MTCL2: variants seen among roughly 807,000 people sequenced by gnomAD.
MTCL2 encodes the protein microtubule cross-linking factor 2.
At chr20:36,848,134 G>C in the MTCL2 span, among the ~76,000 whole-genome samples, 1 of 152,232 alleles carries the variant, frequency 6.6e-6, no homozygotes, top group South Asian at 2.1e-4. Context: ...AGGTGACAGA[G>C]TGAGACCCCT....
chr20:36,849,536 G>T, the MTCL2 span, among the ~76,000 whole-genome samples: 1 of 151,644 alleles, frequency 6.6e-6, no homozygotes, highest in Non-Finnish European at 1.5e-5. Flanking sequence ...TTGGACTAAA[G>T]TCATCCTCCC....
At chr20:36,817,555 GC>G in the MTCL2 span, 1 of 1,371,374 alleles carries the variant, frequency 7.3e-7, no homozygotes, top group East Asian at 2.5e-5. Context: ...CTGTCACAGT[GC>G]CCAGGGTCCA....
At chr20:36,817,858 G>T in the MTCL2 span, among the ~76,000 whole-genome samples, 4 of 152,256 alleles carry the variant, frequency 2.6e-5, no homozygotes, top group African/African-American at 9.6e-5. Flanking sequence ...GAACACAGCA[G>T]TGAACCAGGG....
At chr20:36,851,432 C>A in the MTCL2 span, among the ~76,000 whole-genome samples, 2 of 152,236 alleles carry the variant, frequency 1.3e-5, no homozygotes, top group African/African-American at 4.8e-5. Flanking sequence ...TCTCCATCTT[C>A]ATCTCCCTCG....
At chr20:36,828,899 T>A in the MTCL2 span, 5 of 762,848 alleles carry the variant, frequency 6.6e-6, no homozygotes, top group South Asian at 1.9e-5. Context: ...GCTCAGGAAA[T>A]GCATGTTGGA....
the MTCL2 span, chr20:36,805,746 A>C: frequency 3.0e-6 from 3 of 1,012,078 alleles, no homozygotes; most frequent in South Asian, 5.2e-5. Flanking sequence ...AATAACTTGC[A>C]ACTTCAATGT....
chr20:36,852,431 C>T, the MTCL2 span, among the ~76,000 whole-genome samples: 7 of 152,228 alleles, frequency 4.6e-5, no homozygotes, highest in South Asian at 2.1e-4. Context: ...TCCCTTCTGC[C>T]GGTCCCCCAG....
At chr20:36,837,404 G>A in the MTCL2 span, among the ~76,000 whole-genome samples, 1 of 150,594 alleles carries the variant, frequency 6.6e-6, no homozygotes, top group Non-Finnish European at 1.5e-5. Flanking sequence ...GGAGGCTCAT[G>A]AGCCTGGGCT....
At chr20:36,844,394 A>T in the MTCL2 span, among the ~76,000 whole-genome samples, 1 of 145,308 alleles carries the variant, frequency 6.9e-6, no homozygotes, top group African/African-American at 2.7e-5. Flanking sequence ...CATCTCTACA[A>T]AAAAAAAATA....
chr20:36,793,953 T>C, the MTCL2 span: 17 of 1,551,446 alleles, frequency 1.1e-5, no homozygotes, highest in Non-Finnish European at 1.5e-5. The surrounding 1 kb of genome is among the most constrained non-coding windows in gnomAD (Gnocchi z 6.8). Flanking sequence ...GTGCCCACAC[T>C]GGCCAGGCCC....
the MTCL2 span, among the ~76,000 whole-genome samples, chr20:36,787,607 G>A: frequency 1.3e-4 from 20 of 152,088 alleles, no homozygotes; most frequent in South Asian, 2.1e-4. Context: ...AAGTGCTGCT[G>A]CCAGGCACGG....
chr20:36,863,059 G>C, the MTCL2 span: 1 of 1,407,440 alleles, frequency 7.1e-7, no homozygotes, highest in Non-Finnish European at 9.3e-7. The surrounding 1 kb of genome is among the most constrained non-coding windows in gnomAD (Gnocchi z 6.2). Flanking sequence ...CCCTTGGCAC[G>C]GACCCCGGTG....
At chr20:36,794,089 G>A in the MTCL2 span, 2 of 1,551,460 alleles carry the variant, frequency 1.3e-6, no homozygotes, top group Non-Finnish European at 8.7e-7. The surrounding 1 kb of genome is among the most constrained non-coding windows in gnomAD (Gnocchi z 5.4). Context: ...AGTCATGCAG[G>A]GCCGCTGGGA....
the MTCL2 span, among the ~76,000 whole-genome samples, chr20:36,786,997 C>CT: frequency 6.6e-5 from 10 of 151,582 alleles, no homozygotes; most frequent in Non-Finnish European, 1.3e-4. Flanking sequence ...CCTTTTTATC[C>CT]TTTTTTTTCG....
At chr20:36,856,422 C>T in the MTCL2 span, among the ~76,000 whole-genome samples, 1 of 152,242 alleles carries the variant, frequency 6.6e-6, no homozygotes, top group Non-Finnish European at 1.5e-5. Context: ...CTGCAGCCCC[C>T]AGCAAGGGAA....
At chr20:36,840,358 C>T in the MTCL2 span, among the ~76,000 whole-genome samples, 1 of 151,042 alleles carries the variant, frequency 6.6e-6, no homozygotes, top group Non-Finnish European at 1.5e-5. Context: ...TTAGTAGAGA[C>T]GGGGTTTCAC....
the MTCL2 span, among the ~76,000 whole-genome samples, chr20:36,826,551 T>C: frequency 6.6e-6 from 1 of 151,004 alleles, no homozygotes; most frequent in Non-Finnish European, 1.5e-5. Flanking sequence ...CTAAATTTCG[T>C]ATTTTTTGTA....
At chr20:36,784,217 C>T in the MTCL2 span, 3 of 985,926 alleles carry the variant, frequency 3.0e-6, no homozygotes, top group East Asian at 1.1e-4. Context: ...CCTTGGAGGG[C>T]CCCCCTGACC....
the MTCL2 span, chr20:36,812,934 G>C: frequency 1.4e-6 from 2 of 1,474,498 alleles, no homozygotes; most frequent in South Asian, 1.3e-5. Context: ...AGGCCTCTGC[G>C]CTCCCTAAGA....
Sources: allele counts gnomAD v4.1 joint callset (sites outside exome capture counted in the v4.1 genomes callset), GRCh38; gene constraint gnomAD v4.1.1; non-coding constraint Gnocchi (gnomAD v3.1); transcripts MANE v1.5; gene names NCBI Gene and HGNC (gene_info 2026-07-23, HGNC 2026-07-21).